Variants in TDRD7 observed in about 807,000 individuals in gnomAD.
The protein encoded by TDRD7 is tudor domain-containing protein 7.
TDRD7 carries 47 observed loss-of-function variants against 109.8 expected under a neutral mutation model. The observed-to-expected ratio is 0.43, with a 90% CI of 0.34 to 0.55. The LOEUF (loss-of-function observed/expected upper bound fraction) is 0.55. Ranked by LOEUF, TDRD7 falls within the 20% of genes least tolerant of loss-of-function variation. The pLI is 0.03. For missense variants in TDRD7, 1,164 were observed against 1,319.2 expected (o/e 0.88, Z 1.82); for synonymous variants, 424 against 457.3 (o/e 0.93, Z 0.93).
chr9:97,437,629 G>C (rs1828227515), intron 4 of TDRD7, among the ~76,000 whole-genome samples: 1 of 152,138 alleles, frequency 6.6e-6, no homozygotes, highest in South Asian at 2.1e-4. Context: ...ACTTACCACG[G>C]TCCGTTTCTC....
chr9:97,475,795 T>C (rs1829008542), intron 12 of TDRD7, among the ~76,000 whole-genome samples: 1 of 152,194 alleles, frequency 6.6e-6, no homozygotes, highest in African/African-American at 2.4e-5. Context: ...AATGAATATG[T>C]GTATATAATA....
chr9:97,454,200 G>A (rs1370526533), intron 6 of TDRD7, among the ~76,000 whole-genome samples: 2 of 152,178 alleles, frequency 1.3e-5, no homozygotes, highest in African/African-American at 2.4e-5. Flanking sequence ...AACAGTCTCG[G>A]CTGGGTGTGA....
chr9:97,418,604 A>G (rs913855622), intron 1 of TDRD7, among the ~76,000 whole-genome samples: 4 of 152,156 alleles, frequency 2.6e-5, no homozygotes, highest in African/African-American at 7.2e-5. Context: ...CAGAGCAGAA[A>G]TAAGGAAGAT....
chr9:97,414,614 T>C (rs186347222), intron 1 of TDRD7, among the ~76,000 whole-genome samples: 1 of 152,214 alleles, frequency 6.6e-6, no homozygotes, highest in Non-Finnish European at 1.5e-5. Flanking sequence ...TATGTAGACT[T>C]ATGGAAATCC....
At chr9:97,455,759 G>A (rs1206664639) in intron 6 of TDRD7, among the ~76,000 whole-genome samples, 2 of 152,108 alleles carry the variant, frequency 1.3e-5, no homozygotes, top group East Asian at 3.9e-4. Context: ...TTTGAAAACT[G>A]GTACAAGATG....
intron 16 of TDRD7, among the ~76,000 whole-genome samples, chr9:97,487,985 G>A (rs1454699964): frequency 6.6e-6 from 1 of 152,136 alleles, no homozygotes; most frequent in East Asian, 1.9e-4. Context: ...CAGCATACAA[G>A]GGAGCAATTT....
intron 6 of TDRD7, among the ~76,000 whole-genome samples, chr9:97,442,946 C>G (rs2118375378): frequency 6.6e-6 from 1 of 152,282 alleles, no homozygotes; most frequent in Non-Finnish European, 1.5e-5. Context: ...TGGGCGTTAG[C>G]CACTACGCCC....
intron 4 of TDRD7, among the ~76,000 whole-genome samples, chr9:97,435,419 CAGG>C (rs1230005847): frequency 6.6e-6 from 1 of 150,718 alleles, no homozygotes; most frequent in Non-Finnish European, 1.5e-5. Context: ...CTCTTGAGAC[CAGG>C]AGTACAAGAA....
At chr9:97,426,191 T>C (rs1827991524) in intron 1 of TDRD7, among the ~76,000 whole-genome samples, 1 of 152,218 alleles carries the variant, frequency 6.6e-6, no homozygotes, top group Non-Finnish European at 1.5e-5. Flanking sequence ...TGTACACTAC[T>C]GTAGACTTAT....
chr9:97,429,454 G>C (rs1828063331), intron 2 of TDRD7, among the ~76,000 whole-genome samples: 2 of 152,108 alleles, frequency 1.3e-5, no homozygotes, highest in Admixed American at 6.5e-5. Context: ...TAAATATGTG[G>C]ATCAGGTCTG....
chr9:97,422,622 A>G (rs1827918379), intron 1 of TDRD7, among the ~76,000 whole-genome samples: 1 of 152,252 alleles, frequency 6.6e-6, no homozygotes, highest in Admixed American at 6.5e-5. Context: ...TTAGGGAGAC[A>G]GCACTCACTC....
At chr9:97,429,502 T>C (rs1299712829) in intron 2 of TDRD7, among the ~76,000 whole-genome samples, 1 of 152,182 alleles carries the variant, frequency 6.6e-6, no homozygotes, top group African/African-American at 2.4e-5. Context: ...GTGGTTTTTC[T>C]ATATGGGGGG....
rs1828457154 is a variant in TDRD7, at chr9:97,449,624, G to C, written c.855+7749G>C. Among the ~76,000 whole-genome samples, 2 of 152,130 alleles carry C rather than the reference G, an allele frequency of 1.3e-5. 1 individual carries two copies. Among genetic ancestry groups the C allele is most frequent in the Admixed American group, 1.3e-4 (2 of 15,272 alleles). ...ACCCTCCAGGCAGCCCTCCAAACCT[G>C]TCATCTTGGGGTTTTATGGAGGCTT... On this transcript the variant is annotated intron_variant, in intron 6 of 16. Transcript: ENST00000355295.
intron 6 of TDRD7, among the ~76,000 whole-genome samples, chr9:97,454,712 A>G (rs1217411277): frequency 6.6e-6 from 1 of 152,216 alleles, no homozygotes; most frequent in African/African-American, 2.4e-5. Flanking sequence ...TGTATAGTCT[A>G]AATGCCCACA....
intron 16 of TDRD7, 25 bp downstream of exon 16, chr9:97,487,357 A>G (rs1193723843): frequency 6.2e-7 from 1 of 1,613,776 alleles, no homozygotes; most frequent in Non-Finnish European, 8.5e-7. Context: ...ATCTGAACTC[A>G]TGCTACAACA....
At chr9:97,459,632 C>G (rs370025148) in intron 6 of TDRD7, among the ~76,000 whole-genome samples, 2 of 152,328 alleles carry the variant, frequency 1.3e-5, no homozygotes, top group South Asian at 2.1e-4. Flanking sequence ...AGAGTGACAA[C>G]ACTTGCAGCT....
intron 15 of TDRD7, among the ~76,000 whole-genome samples, chr9:97,484,882 G>T (rs1481512797): frequency 6.6e-6 from 1 of 152,118 alleles, no homozygotes; most frequent in Non-Finnish European, 1.5e-5. Context: ...AAAGGGGTTG[G>T]GTAGGAAGGA....
intron 4 of TDRD7, among the ~76,000 whole-genome samples, chr9:97,437,425 A>G (rs1828222744): frequency 1.3e-5 from 2 of 152,322 alleles, no homozygotes; most frequent in Non-Finnish European, 2.9e-5. Context: ...CAACATGGCC[A>G]TTTGCTTCAT....
intron 6 of TDRD7, among the ~76,000 whole-genome samples, chr9:97,457,321 A>G (rs950540176): frequency 2.6e-5 from 4 of 152,116 alleles, no homozygotes; most frequent in Non-Finnish European, 4.4e-5. Flanking sequence ...ATTACTGGCT[A>G]TGTACCCAAA....
Sources: allele counts gnomAD v4.1 joint callset (sites outside exome capture counted in the v4.1 genomes callset), GRCh38; gene constraint gnomAD v4.1.1; transcripts MANE v1.5; gene names NCBI Gene and HGNC (gene_info 2026-07-23, HGNC 2026-07-21).